The following GRAMD1B variants were observed in gnomAD, a reference collection of about 807,000 sequenced individuals.
GRAMD1B encodes the protein protein Aster-B.
In GRAMD1B, 37 loss-of-function variants were observed where a neutral mutation model predicts 99.7. The observed-to-expected ratio is 0.37, with a 90% CI of 0.29 to 0.49. The LOEUF is 0.49. Among genes scored for constraint, GRAMD1B ranks in the 20% least tolerant of loss-of-function variants. The pLI, the probability that GRAMD1B is intolerant of heterozygous loss-of-function variation, is 0.98. For missense variants in GRAMD1B, 888 were observed against 1,009.2 expected (o/e 0.88, Z 1.63); for synonymous variants, 427 against 387.6 (o/e 1.10, Z -1.19).
intron 2 of GRAMD1B, among the ~76,000 whole-genome samples, chr11:123,549,937 C>T (rs933292025): frequency 6.6e-6 from 1 of 152,050 alleles, no homozygotes; most frequent in Non-Finnish European, 1.5e-5. Context: ...GAAAAATGGG[C>T]ACCAAGAAAA....
rs550099829 is a variant in GRAMD1B at position 123,358,609 on chromosome 11, C to A, written c.-366C>A. On this transcript the variant is annotated 5_prime_UTR_variant, in exon 1 of 21. Transcript: ENST00000638157. ...CGGGCTCCAGCACGACCCCGCCGCT[C>A]GGGTTTGGGTGTCCTCAGGCTCCGC... 4 of 152,348 alleles carry A rather than the reference C, an allele frequency of 2.6e-5. No individual in the cohort carries two copies. In the South Asian group the frequency reaches 8.3e-4, roughly 32 times the overall value. The allele number at this position is 152,348 out of a possible 1,614,324, so 9.4% of individuals were successfully genotyped here.
intron 2 of GRAMD1B, among the ~76,000 whole-genome samples, chr11:123,553,821 A>C (rs925976028): frequency 1.3e-5 from 2 of 152,152 alleles, no homozygotes; most frequent in African/African-American, 4.8e-5. Flanking sequence ...TTCAGGAAAG[A>C]GTTATTTAAT....
At chr11:123,598,046 G>A in intron 7 of GRAMD1B, 3 of 1,382,772 alleles carry the variant, frequency 2.2e-6, no homozygotes, top group Non-Finnish European at 3.1e-6. Context: ...CCATCATTCT[G>A]AAGCCTTCTG....
At chr11:123,434,876 A>G (rs963699094) in intron 1 of GRAMD1B, among the ~76,000 whole-genome samples, 4 of 152,220 alleles carry the variant, frequency 2.6e-5, no homozygotes, top group African/African-American at 7.2e-5. Flanking sequence ...TTTAAGTTCT[A>G]TCATCGATTA....
upstream of GRAMD1B, among the ~76,000 whole-genome samples, chr11:123,427,021 C>T (rs2134140162): frequency 6.6e-6 from 1 of 152,214 alleles, no homozygotes; most frequent in South Asian, 2.1e-4. Flanking sequence ...AAAGGGGAGG[C>T]TGGGTTGTTC....
In GRAMD1B at chr11:123,369,898, G is replaced by GA. The variant is rs1036013475; in HGVS notation, c.-176+11109dup. 9.2e-3 allele frequency among the ~76,000 whole-genome samples: 1,340 copies of GA among 146,354 alleles called. 16 individuals carry two copies. Among genetic ancestry groups the GA allele is most frequent in the African/African-American group, 0.03 (1,215 of 39,908 alleles). On this transcript the variant is annotated intron_variant, in intron 1 of 20. Transcript: ENST00000638157. ...GACCCTGTCTCAAAAAAAGGAAAAA[G>GA]AAAAAAAAAATCTATAAGGGGAGAG...
chr11:123,366,887 T>C (rs575015306), intron 1 of GRAMD1B, among the ~76,000 whole-genome samples: 1 of 152,216 alleles, frequency 6.6e-6, no homozygotes, highest in Non-Finnish European at 1.5e-5. Flanking sequence ...CACTTTATAT[T>C]ATTACAACAA....
At chr11:123,609,195 A>G (rs1359857620) in intron 12 of GRAMD1B, among the ~76,000 whole-genome samples, 1 of 152,078 alleles carries the variant, frequency 6.6e-6, no homozygotes, top group African/African-American at 2.4e-5. Context: ...GTGTGTGGAC[A>G]CCGATGAGGC....
chr11:123,599,484 G>A, intron 7 of GRAMD1B: 3 of 589,188 alleles, frequency 5.1e-6, no homozygotes, highest in East Asian at 4.0e-5. Flanking sequence ...CGTTGTTGCT[G>A]TTTTTTGAGG....
intron 1 of GRAMD1B, among the ~76,000 whole-genome samples, chr11:123,362,867 C>T (rs1412149020): frequency 6.6e-6 from 1 of 151,996 alleles, no homozygotes; most frequent in Non-Finnish European, 1.5e-5. Context: ...GCAAGGGCAG[C>T]CCTGGTGAGG....
chr11:123,483,936 G>A (rs1339989317), intron 2 of GRAMD1B, among the ~76,000 whole-genome samples: 3 of 152,110 alleles, frequency 2.0e-5, no homozygotes, highest in Admixed American at 6.6e-5. Context: ...AATTTAGACC[G>A]ACGTATATGG....
chr11:123,379,349 T>C (rs943964649), intron 1 of GRAMD1B, among the ~76,000 whole-genome samples: 1 of 152,122 alleles, frequency 6.6e-6, no homozygotes, highest in South Asian at 2.1e-4. Flanking sequence ...AGGCAGGCCA[T>C]TGGATTGTAG....
chr11:123,582,951 ATAATC>A (rs948712090), intron 3 of GRAMD1B, among the ~76,000 whole-genome samples: 1 of 152,216 alleles, frequency 6.6e-6, no homozygotes, highest in Non-Finnish European at 1.5e-5. Flanking sequence ...AAAACTGAAA[ATAATC>A]TAAGCTCCAC....
rs1372295718 is a variant in GRAMD1B at position 123,610,962 on chromosome 11, C to T, written c.1919+624C>T. ...AGGAAGGAAGACATTTAGACCCTGA[C>T]ATTTTAAGAAACTTGTAGTCTAATT... On this transcript the variant is annotated intron_variant, in intron 14 of 19. Transcript: ENST00000635736. This position sits in a 1 kb window ranked among gnomAD's most constrained non-coding sequence, Gnocchi z 4.1. Among the ~76,000 whole-genome samples the T allele has an allele frequency of 2.0e-5, 3 of 152,210 alleles. No individual in the cohort carries two copies. The highest frequency in any genetic ancestry group is 4.4e-5 in the Non-Finnish European group (3 of 68,042).
In GRAMD1B at chr11:123,511,618, C is replaced by T. The variant is rs1941032381; in HGVS notation, c.452+30725C>T. Among the ~76,000 whole-genome samples the T allele has an allele frequency of 2.0e-5, 3 of 152,156 alleles. No homozygotes were observed. The South Asian group carries it at 6.2e-4, about 31-fold the overall frequency. ...GAGATGTAATCCTTCGAGAATATCT[C>T]AGCCCTTCATTTGGGAGCCTTGCTT... On this transcript the variant is annotated intron_variant, in intron 2 of 19. Transcript: ENST00000635736.
chr11:123,559,558 C>T (rs537160647), intron 2 of GRAMD1B: 1 of 362,140 alleles, frequency 2.8e-6, no homozygotes, highest in African/African-American at 2.2e-5. Flanking sequence ...ATACCTCGCA[C>T]TGCCAGAACT....
At chr11:123,389,008 G>A (rs1044333800) in intron 1 of GRAMD1B, among the ~76,000 whole-genome samples, 1 of 152,074 alleles carries the variant, frequency 6.6e-6, no homozygotes, top group Non-Finnish European at 1.5e-5. Context: ...CTCCTGAGAC[G>A]ATGTGCTGAC....
chr11:123,394,629 A>G (rs1198285288), intron 1 of GRAMD1B, among the ~76,000 whole-genome samples: 1 of 152,186 alleles, frequency 6.6e-6, no homozygotes, highest in Non-Finnish European at 1.5e-5. Flanking sequence ...AAGTATGTTC[A>G]TGAACTTAGC....
chr11:123,560,521 C>CA (rs1369630617), intron 2 of GRAMD1B: 3 of 1,268,558 alleles, frequency 2.4e-6, no homozygotes, highest in Non-Finnish European at 3.1e-6. Context: ...TTGGGATGGT[C>CA]ATGGAGGTGA....
Sources: allele counts gnomAD v4.1 joint callset (sites outside exome capture counted in the v4.1 genomes callset), GRCh38; gene constraint gnomAD v4.1.1; non-coding constraint Gnocchi (gnomAD v3.1); transcripts MANE v1.5; gene names NCBI Gene and HGNC (gene_info 2026-07-23, HGNC 2026-07-21).